Variants in EPSTI1 observed in about 807,000 individuals in gnomAD.
EPSTI1 encodes epithelial stromal interaction 1, also known as epithelial-stromal interaction protein 1.
A neutral mutation model predicts 49.9 loss-of-function variants in EPSTI1; 66 were observed. The ratio of observed to expected loss-of-function variants is 1.32; its 90% CI spans 1.08 to 1.62. The LOEUF is 1.62. Ranked by LOEUF, EPSTI1 falls within the 40% of genes most tolerant of loss-of-function variation. The pLI is 0.00. For missense variants in EPSTI1, 394 were observed against 365.5 expected, an observed-to-expected ratio of 1.08 and a Z score of -0.64; for synonymous variants, 137 against 130.7, an observed-to-expected ratio of 1.05 and a Z score of -0.33.
At chr13:42,918,889 G>A (rs964503205) in intron 7 of EPSTI1, among the ~76,000 whole-genome samples, 17 of 152,058 alleles carry the variant, frequency 1.1e-4, no homozygotes, top group African/African-American at 4.1e-4. Flanking sequence ...ATTAGAGAAG[G>A]CTAGCCTTTA....
At chr13:42,899,543 T>C (rs1280083200) in intron 9 of EPSTI1, among the ~76,000 whole-genome samples, 1 of 152,098 alleles carries the variant, frequency 6.6e-6, no homozygotes, top group African/African-American at 2.4e-5. Context: ...CCAACATAAC[T>C]TAAAAATACA....
chr13:42,991,910 G>C, intron 1 of EPSTI1, 68 bp downstream of exon 1: 1 of 1,569,184 alleles, frequency 6.4e-7, no homozygotes. Flanking sequence ...CAAGGACCAA[G>C]GTGCTTGTGA....
intron 6 of EPSTI1, among the ~76,000 whole-genome samples, chr13:42,946,544 G>A (rs1187956193): frequency 6.6e-6 from 1 of 152,156 alleles, no homozygotes. Context: ...CTGGGAAGAG[G>A]AGGTCATTCA....
At chr13:42,980,616 C>G (rs1162440596) in intron 1 of EPSTI1, among the ~76,000 whole-genome samples, 1 of 152,154 alleles carries the variant, frequency 6.6e-6, no homozygotes, top group Non-Finnish European at 1.5e-5. Context: ...CCATGGGTCC[C>G]TCCCACAATA....
In EPSTI1 at chr13:42,992,194, C is replaced by A; in HGVS notation, c.-29G>T. The A allele has an allele frequency of 6.6e-7, 1 of 1,512,710 alleles. No individual in the cohort carries two copies. The highest frequency in any genetic ancestry group is 8.8e-7 in the Non-Finnish European group (1 of 1,131,150). 93.7% of individuals were successfully genotyped at this position (1,512,710 alleles called of 1,614,324 possible). A position where few individuals can be genotyped will look rare whatever the true frequency, so the allele number is the denominator to read the frequency against. On this transcript the variant is annotated 5_prime_UTR_variant, in exon 1 of 11. Coordinates refer to ENST00000313624, the MANE Select transcript of EPSTI1 (RefSeq NM_033255.5). The stretch of plus-strand genomic sequence containing the variant: ...TCACAGCCCGCGGGTCCCGGGCCGC[C>A]GTCGCTGCGGGAGGGATGCGGCTGG...
chr13:42,943,699 A>C (rs1249956219), intron 6 of EPSTI1, among the ~76,000 whole-genome samples: 1 of 152,202 alleles, frequency 6.6e-6, no homozygotes, highest in Non-Finnish European at 1.5e-5. Flanking sequence ...ACCAATTATT[A>C]ATTGCATACA....
At chr13:42,954,111 G>A in intron 5 of EPSTI1, 90 bp from the exon 6 acceptor site, 2 of 1,069,988 alleles carry the variant, frequency 1.9e-6, no homozygotes, top group Admixed American at 2.2e-5. Context: ...AAATCCTAAG[G>A]TTCAACTGGC....
chr13:42,926,041 A>AAGGT (rs2038162507), intron 7 of EPSTI1, among the ~76,000 whole-genome samples: 2 of 137,902 alleles, frequency 1.5e-5, no homozygotes, highest in African/African-American at 5.4e-5. Flanking sequence ...GGAAGGAAGG[A>AAGGT]AGGAAGGTAG....
intron 7 of EPSTI1, among the ~76,000 whole-genome samples, chr13:42,920,185 G>A (rs940543003): frequency 6.6e-6 from 1 of 152,176 alleles, no homozygotes; most frequent in African/African-American, 2.4e-5. Context: ...GGTGCTAGGG[G>A]TCAGGGCTTC....
intron 1 of EPSTI1, among the ~76,000 whole-genome samples, chr13:42,986,466 C>T (rs1475362491): frequency 1.3e-5 from 2 of 152,010 alleles, no homozygotes; most frequent in Admixed American, 6.6e-5. Context: ...AACCCCTGGC[C>T]GGGAGCAGTG....
At position 42,991,896 on chromosome 13, in the gene EPSTI1, A is replaced by G. The variant is rs1326630283; in HGVS notation, c.188+82T>C. On this transcript the variant is annotated intron_variant, in intron 1 of 10. Transcript: ENST00000313624. The stretch of plus-strand genomic sequence containing the variant: ...TGTTGTTGGGCCCCTGTGGTTTTAA[A>G]CTCCAAGGACCAAGGTGCTTGTGAG... The G allele has an allele frequency of 4.0e-6, 6 of 1,516,700 alleles. No homozygotes were observed. The Admixed American group carries it at 1.1e-4, about 27-fold the overall frequency. The allele number at this position is 1,516,700 out of a possible 1,614,324, so 94.0% of individuals were successfully genotyped here.
At chr13:42,984,132 C>A (rs2153436193) in intron 1 of EPSTI1, among the ~76,000 whole-genome samples, 1 of 152,250 alleles carries the variant, frequency 6.6e-6, no homozygotes, top group Non-Finnish European at 1.5e-5. Context: ...CTTAAATAAT[C>A]CCCTAATGAA....
At chr13:42,889,332 AAATT>A in intron 10 of EPSTI1, 1 of 812,654 alleles carries the variant, frequency 1.2e-6, no homozygotes, top group Non-Finnish European at 1.9e-6. Flanking sequence ...AGACTGATTT[AAATT>A]AACAATGATT....
At chr13:42,968,183 C>G (rs1174107170) in intron 3 of EPSTI1, among the ~76,000 whole-genome samples, 2 of 152,104 alleles carry the variant, frequency 1.3e-5, no homozygotes, top group Non-Finnish European at 2.9e-5. Flanking sequence ...CTGATTGTAC[C>G]CTTCGAGTCT....
chr13:42,898,373 G>C (rs1201360490), intron 9 of EPSTI1, among the ~76,000 whole-genome samples: 2 of 152,172 alleles, frequency 1.3e-5, no homozygotes, highest in Non-Finnish European at 2.9e-5. Flanking sequence ...ATTCTCACAT[G>C]ATAACATGGG....
intron 1 of EPSTI1, among the ~76,000 whole-genome samples, chr13:42,986,848 C>T (rs1021974139): frequency 2.0e-5 from 3 of 149,588 alleles, no homozygotes; most frequent in Non-Finnish European, 3.0e-5. Flanking sequence ...CTGATTTAAT[C>T]AATTATGCCT....
At position 42,992,191 on chromosome 13, in the gene EPSTI1, C is replaced by A; in HGVS notation, c.-26G>T. On this transcript the variant is annotated 5_prime_UTR_variant, in exon 1 of 11. Transcript: ENST00000313624. ...GGTTCACAGCCCGCGGGTCCCGGGC[C>A]GCCGTCGCTGCGGGAGGGATGCGGC... 6.6e-7 allele frequency: 1 copy of A among 1,515,908 alleles called. No homozygotes were observed. Among genetic ancestry groups the A allele is most frequent in the South Asian group, 1.3e-5 (1 of 76,818 alleles). The allele number at this position is 1,515,908 out of a possible 1,614,324, so 93.9% of individuals were successfully genotyped here. A position where few individuals can be genotyped will look rare whatever the true frequency, so the allele number is the denominator to read the frequency against.
At chr13:42,898,117 G>A (rs1181034555) in intron 9 of EPSTI1, among the ~76,000 whole-genome samples, 1 of 152,170 alleles carries the variant, frequency 6.6e-6, no homozygotes, top group Non-Finnish European at 1.5e-5. Flanking sequence ...GTGCACTCAA[G>A]CTCATTACAG....
chr13:42,928,749 C>T (rs2038266958), intron 6 of EPSTI1, among the ~76,000 whole-genome samples: 1 of 152,196 alleles, frequency 6.6e-6, no homozygotes, highest in Non-Finnish European at 1.5e-5. Flanking sequence ...CCTCTTCTGG[C>T]CACACAACTT....
Sources: allele counts gnomAD v4.1 joint callset (sites outside exome capture counted in the v4.1 genomes callset), GRCh38; gene constraint gnomAD v4.1.1; transcripts MANE v1.5; gene names NCBI Gene and HGNC (gene_info 2026-07-23, HGNC 2026-07-21).